DOK6: variants seen among roughly 807,000 people sequenced by gnomAD.
DOK6 encodes docking protein 6.
Under a neutral mutation model 44.0 loss-of-function variants are expected in DOK6, and 22 were observed. That is an observed-to-expected ratio of 0.50 (90% CI 0.36 to 0.71). DOK6 has a LOEUF of 0.71. DOK6 is among the 30% of genes least tolerant of loss of function. The pLI is 0.00. For missense variants in DOK6, 340 were observed against 416.4 expected (o/e 0.82, Z 1.60); for synonymous variants, 166 against 145.5 (o/e 1.14, Z -1.01).
intron 7 of DOK6, among the ~76,000 whole-genome samples, chr18:69,758,186 CTGT>C (rs1284863733): frequency 3.9e-5 from 6 of 152,196 alleles, no homozygotes; most frequent in Admixed American, 6.5e-5. Context: ...CTGCTTCATG[CTGT>C]TGTTTTATGA....
intron 1 of DOK6, among the ~76,000 whole-genome samples, chr18:69,442,273 A>G (rs1254523233): frequency 6.6e-6 from 1 of 152,146 alleles, no homozygotes; most frequent in Non-Finnish European, 1.5e-5. Flanking sequence ...TTTGTGTATT[A>G]GTCCATCTCA....
chr18:69,516,460 T>C (rs1981525921), intron 1 of DOK6, among the ~76,000 whole-genome samples: 1 of 152,156 alleles, frequency 6.6e-6, no homozygotes, highest in Non-Finnish European at 1.5e-5. Flanking sequence ...GAAAGTGTTA[T>C]GGAAGAGGGT....
At chr18:69,468,202 A>G (rs1040445777) in intron 1 of DOK6, among the ~76,000 whole-genome samples, 2 of 152,128 alleles carry the variant, frequency 1.3e-5, no homozygotes, top group Non-Finnish European at 2.9e-5. Flanking sequence ...TTTTCTTTGT[A>G]TACTGTAAAG....
intron 1 of DOK6, among the ~76,000 whole-genome samples, chr18:69,451,768 C>G (rs948178233): frequency 8.0e-6 from 1 of 124,832 alleles, no homozygotes; most frequent in African/African-American, 3.1e-5. Flanking sequence ...TCACTCAAAA[C>G]CGCTCAACTA....
chr18:69,629,562 T>A (rs1984642247), intron 3 of DOK6, among the ~76,000 whole-genome samples: 1 of 152,202 alleles, frequency 6.6e-6, no homozygotes, highest in Non-Finnish European at 1.5e-5. Flanking sequence ...AGAAGTGGAA[T>A]AAAAGCATTA....
At chr18:69,423,901 A>G (rs138976726) in intron 1 of DOK6, among the ~76,000 whole-genome samples, 1 of 152,344 alleles carries the variant, frequency 6.6e-6, no homozygotes, top group African/African-American at 2.4e-5. Flanking sequence ...ACTCATGTTT[A>G]TAATTCTATG....
chr18:69,428,264 T>C (rs1978700242), intron 1 of DOK6, among the ~76,000 whole-genome samples: 2 of 152,086 alleles, frequency 1.3e-5, no homozygotes, highest in Non-Finnish European at 2.9e-5. Context: ...CACTTCTTTG[T>C]TTTGTGCCCA....
chr18:69,848,528 T>G lies in DOK6; in HGVS notation c.*7145T>G, dbSNP rs949755079. ...GCAACAGCTGTCCCTGGAACTGAAATGTGAATTTCTAGCAGAACAGAAAAT... is the reference window on the plus strand; with the variant it reads ...GCAACAGCTGTCCCTGGAACTGAAAGGTGAATTTCTAGCAGAACAGAAAAT... On this transcript the variant is annotated 3_prime_UTR_variant, in exon 8 of 8. Transcript: ENST00000382713. 5 of 152,220 alleles carry G rather than the reference T, an allele frequency of 3.3e-5. No homozygotes were observed. The highest frequency in any genetic ancestry group is 1.3e-4 in the Admixed American group (2 of 15,280). 9.4% of individuals were successfully genotyped at this position (152,220 alleles called of 1,614,324 possible).
chr18:69,497,834 A>G (rs1980935715), intron 1 of DOK6, among the ~76,000 whole-genome samples: 1 of 152,182 alleles, frequency 6.6e-6, no homozygotes, highest in South Asian at 2.1e-4. Context: ...GCCTTAAAAA[A>G]AGAATATTGG....
intron 2 of DOK6, among the ~76,000 whole-genome samples, chr18:69,566,889 T>C (rs1599196654): frequency 6.6e-6 from 1 of 152,266 alleles, no homozygotes; most frequent in East Asian, 1.9e-4. Context: ...AGGAGGCATG[T>C]GGAGCAGCCC....
chr18:69,533,955 T>C (rs1357917818), intron 1 of DOK6, among the ~76,000 whole-genome samples: 3 of 152,180 alleles, frequency 2.0e-5, no homozygotes, highest in Non-Finnish European at 2.9e-5. Context: ...ACAGATAAAA[T>C]GTAGATATGC....
At chr18:69,594,271 CACAT>C (rs1400763148) in intron 2 of DOK6, among the ~76,000 whole-genome samples, 8 of 151,556 alleles carry the variant, frequency 5.3e-5, no homozygotes, top group African/African-American at 1.9e-4. Flanking sequence ...TACATGTACA[CACAT>C]ACACACACAT....
At chr18:69,725,792 G>C (rs1334205496) in intron 5 of DOK6, among the ~76,000 whole-genome samples, 1 of 152,084 alleles carries the variant, frequency 6.6e-6, no homozygotes, top group Non-Finnish European at 1.5e-5. Flanking sequence ...CACCCCTGAA[G>C]TGTATTTAAA....
At chr18:69,602,530 A>T (rs1177232593) in intron 3 of DOK6, among the ~76,000 whole-genome samples, 1 of 152,254 alleles carries the variant, frequency 6.6e-6, no homozygotes, top group Non-Finnish European at 1.5e-5. Flanking sequence ...CCAAAAGAGG[A>T]CAATAAGTAA....
chr18:69,585,862 G>A (rs1341557629), intron 2 of DOK6, among the ~76,000 whole-genome samples: 1 of 152,156 alleles, frequency 6.6e-6, no homozygotes, highest in African/African-American at 2.4e-5. Context: ...TTAGAACCCA[G>A]CTTGTGACAC....
chr18:69,677,485 T>C (rs1327423905), intron 3 of DOK6, among the ~76,000 whole-genome samples: 1 of 152,086 alleles, frequency 6.6e-6, no homozygotes, highest in East Asian at 1.9e-4. Flanking sequence ...GAAACAAATA[T>C]TCTCAGACTA....
chr18:69,574,501 T>A (rs1042245644), intron 2 of DOK6, among the ~76,000 whole-genome samples: 5 of 152,072 alleles, frequency 3.3e-5, no homozygotes, highest in Non-Finnish European at 7.4e-5. Flanking sequence ...AAGGGACTTC[T>A]TAGGTTTACT....
rs577320805 is a variant in DOK6 at position 69,793,702 on chromosome 18, CAA to C, written c.856+35830_856+35831del. ...ACGTGACAGAGCCAGAATTTAAACC[CAA>C]GTTTTCAGAGTTCTTTTCACTACCA... On this transcript the variant is annotated intron_variant, in intron 7 of 7. Transcript: ENST00000382713. 1.3e-3 allele frequency among the ~76,000 whole-genome samples: 201 copies of C among 152,122 alleles called. 2 individuals carry two copies. Among genetic ancestry groups the C allele is most frequent in the African/African-American group, 4.8e-3 (198 of 41,520 alleles).
At chr18:69,585,694 T>C (rs1408782755) in intron 2 of DOK6, among the ~76,000 whole-genome samples, 2 of 152,224 alleles carry the variant, frequency 1.3e-5, no homozygotes, top group East Asian at 1.9e-4. Context: ...GGGTTGTGTG[T>C]AGGGATACAC....
Sources: allele counts gnomAD v4.1 joint callset (sites outside exome capture counted in the v4.1 genomes callset), GRCh38; gene constraint gnomAD v4.1.1; transcripts MANE v1.5; gene names NCBI Gene and HGNC (gene_info 2026-07-23, HGNC 2026-07-21).